FBLN1: variants seen among roughly 807,000 people sequenced by gnomAD.
FBLN1 encodes fibulin-1.
In FBLN1, 34 loss-of-function variants were observed where a neutral mutation model predicts 89.7. The ratio of observed to expected loss-of-function variants is 0.38; its 90% CI spans 0.29 to 0.50. The LOEUF (loss-of-function observed/expected upper bound fraction) is 0.50. Ranked by LOEUF, FBLN1 falls within the 20% of genes least tolerant of loss-of-function variation. FBLN1 has a pLI of 0.92. For synonymous variants in FBLN1, 393 were observed against 391.3 expected, an observed-to-expected ratio of 1.00 and a Z score of -0.05; for missense variants, 777 against 988.1, an observed-to-expected ratio of 0.79 and a Z score of 2.86.
rs2147012531 is a variant in FBLN1, at chr22:45,562,760, TGAG to T, written c.1698-11750_1698-11748del. On this transcript the variant is annotated intron_variant, in intron 14 of 16. Transcript: ENST00000327858. The surrounding 1 kb of genome is among the most constrained non-coding windows in gnomAD (Gnocchi z 7.8). ...GGAGGTCCACGGCGCCTCCCGCAGG[TGAG>T]TGAGGTGTGCCCTTCGTGTTGGCTG... is the stretch of plus-strand genomic sequence containing the variant. The T allele has an allele frequency of 1.3e-6, 1 of 787,816 alleles. No individual in the cohort carries two copies. The highest frequency in any genetic ancestry group is 2.4e-5 in the East Asian group (1 of 41,110). The allele number at this position is 787,816 out of a possible 1,614,324, so 48.8% of individuals were successfully genotyped here.
Position 45,549,812 on chromosome 22 carries a change from CTCAGTG to C in FBLN1, c.1574-678_1574-673del, listed in dbSNP as rs2088678585. On this transcript the variant is annotated intron_variant, in intron 13 of 16. Coordinates refer to ENST00000327858, the MANE Select transcript of FBLN1 (RefSeq NM_006486.3). The surrounding 1 kb of genome is among the most constrained non-coding windows in gnomAD (Gnocchi z 5.7). ...GCTGCTCCCCCATCTCCAGGGGCCT[CTCAGTG>C]TGGTGCCCCAGGCCCCATCCCAGGA... is the stretch of plus-strand genomic sequence containing the variant. Among the ~76,000 whole-genome samples, 1 of 152,220 alleles carries C rather than the reference CTCAGTG, an allele frequency of 6.6e-6. No homozygotes were observed. The highest frequency in any genetic ancestry group is 2.1e-4 in the South Asian group (1 of 4,828).
At position 45,600,689 on chromosome 22, in the gene FBLN1, C is replaced by CT; in HGVS notation, c.*244dup. 2 of 558,194 alleles carry CT rather than the reference C, an allele frequency of 3.6e-6. No homozygotes were observed. The highest frequency in any genetic ancestry group is 3.9e-5 in the South Asian group (2 of 51,138). The allele number at this position is 558,194 out of a possible 1,614,324, so 34.6% of individuals were successfully genotyped here. A position where few individuals can be genotyped will look rare whatever the true frequency, so the allele number is the denominator to read the frequency against. The stretch of plus-strand genomic sequence containing the variant: ...CCTTGCTCATTTTTTAATGCGAAGG[C>CT]TAAGTGTCACCCCCTTTCTCTGCCT... On this transcript the variant is annotated 3_prime_UTR_variant, in exon 17 of 17. Transcript: ENST00000327858.
At chr22:45,523,149 G>A in intron 2 of FBLN1, 4 of 779,186 alleles carry the variant, frequency 5.1e-6, no homozygotes, top group Non-Finnish European at 9.6e-6. Flanking sequence ...AGTATGGAAA[G>A]TGGGAAGAGC....
intron 3 of FBLN1, among the ~76,000 whole-genome samples, chr22:45,526,216 A>G (rs983707026): frequency 6.6e-6 from 1 of 152,172 alleles, no homozygotes; most frequent in Non-Finnish European, 1.5e-5. Context: ...CCTGTCAGGG[A>G]CCCAGACGGG....
In FBLN1 at chr22:45,531,327, G is replaced by A. The variant is rs1394995287; in HGVS notation, c.544+3G>A. ...ATATCTGAATGACCGCTGCCGAGGT[G>A]AGACTCGGGCGTCTCCCATCAGTTG... is the stretch of plus-strand genomic sequence containing the variant. On this transcript the variant is annotated splice_donor_region_variant and intron_variant, in intron 5 of 16. Transcript: ENST00000327858. The surrounding 1 kb of genome is among the most constrained non-coding windows in gnomAD (Gnocchi z 4.9). 8.7e-6 allele frequency: 14 copies of A among 1,613,418 alleles called. No individual in the cohort carries two copies. Among genetic ancestry groups the A allele is most frequent in the Middle Eastern group, 3.3e-4 (2 of 6,054 alleles).
rs1920925781 is a variant in FBLN1 at position 45,600,672 on chromosome 22, AT to A, written c.*232del. 5.0e-6 allele frequency: 3 copies of A among 595,624 alleles called. No homozygotes were observed. The South Asian group carries it at 5.7e-5, about 11-fold the overall frequency. 36.9% of individuals were successfully genotyped at this position (595,624 alleles called of 1,614,324 possible). On this transcript the variant is annotated 3_prime_UTR_variant, in exon 17 of 17. Coordinates refer to ENST00000327858, the MANE Select transcript of FBLN1 (RefSeq NM_006486.3). The stretch of plus-strand genomic sequence containing the variant: ...AACTGTTTGGTTGAAAACCTTGCTC[AT>A]TTTTTAATGCGAAGGCTAAGTGTCA...
rs1409534715 is a variant in FBLN1 at position 45,543,513 on chromosome 22, C to G, written c.1308C>G (p.Gly436=). 11 of 1,613,462 alleles carry G rather than the reference C, an allele frequency of 6.8e-6. No homozygotes were observed. Among genetic ancestry groups the G allele is most frequent in the East Asian group, 6.7e-5 (3 of 44,896 alleles). The change falls in exon 11 of 17, where the codon GGC becomes GGG. Residue 436 remains glycine, a synonymous_variant. Transcript: ENST00000327858. ...TGGGCTTCCGGCTCTCTGTGGATGG[C>G]AGGTCATGTGAAGGTGAGGCTGGGG... ...CSVGFRLSVD[G]RSCEDINECS...
At chr22:45,533,238 C>G (rs2146969005) in intron 6 of FBLN1, 74 bp downstream of exon 6, 1 of 1,336,732 alleles carries the variant, frequency 7.5e-7, no homozygotes, top group East Asian at 2.3e-5. Context: ...GGAGGACTGA[C>G]CAGGGCCTGC....
At chr22:45,525,174 GGAGAAA>G (rs1254674352) in intron 2 of FBLN1, among the ~76,000 whole-genome samples, 6 of 124,594 alleles carry the variant, frequency 4.8e-5, no homozygotes, top group East Asian at 3.1e-4. Context: ...AGAGAGAAAG[GGAGAAA>G]GAGAGAGAGA....
At chr22:45,599,096 T>A (rs1449615133) in intron 16 of FBLN1, among the ~76,000 whole-genome samples, 1 of 152,154 alleles carries the variant, frequency 6.6e-6, no homozygotes, top group Non-Finnish European at 1.5e-5. Context: ...CTAACCCGGA[T>A]CCCCTGGAAT....
chr22:45,543,730 C>T (rs776678353), intron 11 of FBLN1, among the ~76,000 whole-genome samples: 4 of 152,212 alleles, frequency 2.6e-5, no homozygotes, highest in East Asian at 1.9e-4. Flanking sequence ...ATCCACCCTC[C>T]GAGGCCGTGT....
Position 45,518,693 on chromosome 22 carries a change from G to A in FBLN1, c.91G>A (p.Val31Ile), listed in dbSNP as rs781228291. 1.9e-6 allele frequency: 3 copies of A among 1,606,810 alleles called. No homozygotes were observed. The highest frequency in any genetic ancestry group is 2.2e-5 in the South Asian group (2 of 89,298). Residue 31 changes from valine to isoleucine, a missense_variant, in exon 2 of 17, where the codon GTC becomes ATC. Physicochemically the swap from Val to Ile is conservative, Grantham distance 29 (BLOSUM62 3). Transcript: ENST00000327858. ...TCTTCCCTGCACAGTGGACGCGGAT[G>A]TCCTCCTGGAGGCCTGCTGTGCGGA... ...ALLAAGVDAD[V>I]LLEACCADGH...
intron 14 of FBLN1, among the ~76,000 whole-genome samples, chr22:45,559,459 C>G (rs2088827022): frequency 6.6e-6 from 1 of 152,192 alleles, no homozygotes; most frequent in Non-Finnish European, 1.5e-5. Context: ...GTAGAGGCAG[C>G]TCTCATGGCT....
chr22:45,542,106 A>C (rs374470647), intron 9 of FBLN1, 49 bp from the exon 10 acceptor site: 2 of 1,613,792 alleles, frequency 1.2e-6, no homozygotes, highest in Admixed American at 3.3e-5. Context: ...TTGGGGGGAA[A>C]AAACCCAAAC....
intron 2 of FBLN1, among the ~76,000 whole-genome samples, chr22:45,523,879 C>T (rs1023578973): frequency 6.6e-6 from 1 of 152,180 alleles, no homozygotes; most frequent in African/African-American, 2.4e-5. Context: ...ACGGCAGCTG[C>T]ACCCTTTTCC....
intron 1 of FBLN1, among the ~76,000 whole-genome samples, chr22:45,505,981 C>A (rs959241266): frequency 5.3e-5 from 8 of 152,176 alleles, no homozygotes; most frequent in Non-Finnish European, 1.2e-4. Context: ...CTTGGCCAGG[C>A]TAGTCTCGAA....
chr22:45,545,809 G>A lies in FBLN1; in HGVS notation c.1322-1276G>A, dbSNP rs2088619130. On this transcript the variant is annotated intron_variant, in intron 11 of 16. Transcript: ENST00000327858. This position sits in a 1 kb window ranked among gnomAD's most constrained non-coding sequence, Gnocchi z 5.9. ...AGCCACAATCTCTGTTGCAACCGCT[G>A]AACTCTGCTGTGGTAGCAGAGAAGT... Among the ~76,000 whole-genome samples the A allele has an allele frequency of 6.6e-6, 1 of 152,180 alleles. No homozygotes were observed. The highest frequency in any genetic ancestry group is 6.5e-5 in the Admixed American group (1 of 15,290).
intron 1 of FBLN1, among the ~76,000 whole-genome samples, chr22:45,505,002 C>T (rs982780710): frequency 6.6e-6 from 1 of 152,244 alleles, no homozygotes; most frequent in Non-Finnish European, 1.5e-5. Context: ...CCACAAGTGG[C>T]ACCGCCCCTG....
intron 1 of FBLN1, 85 bp from the exon 2 acceptor site, chr22:45,518,597 G>T (rs777530072): frequency 1.9e-5 from 18 of 950,146 alleles, no homozygotes; most frequent in East Asian, 1.3e-4. Flanking sequence ...ACAGAAGGAC[G>T]TGCGTGTCCT....
Sources: allele counts gnomAD v4.1 joint callset (sites outside exome capture counted in the v4.1 genomes callset), GRCh38; gene constraint gnomAD v4.1.1; non-coding constraint Gnocchi (gnomAD v3.1); transcripts MANE v1.5; gene names NCBI Gene and HGNC (gene_info 2026-07-23, HGNC 2026-07-21).